MIP: variants seen among roughly 807,000 people sequenced by gnomAD.
MIP encodes the protein major intrinsic protein of lens fiber, also known as lens fiber major intrinsic protein.
MIP carries 14 observed loss-of-function variants against 21.8 expected under a neutral mutation model. The ratio of observed to expected loss-of-function variants is 0.64; its 90% CI spans 0.42 to 1.00. The LOEUF (loss-of-function observed/expected upper bound fraction) is 1.00, where lower values mean the gene tolerates loss of function less well. MIP is among the 50% of genes least tolerant of loss of function. The pLI, the probability that MIP is intolerant of heterozygous loss-of-function variation, is 0.00. For missense variants in MIP, 260 were observed against 333.5 expected (o/e 0.78, Z 1.72); for synonymous variants, 133 against 141.4 (o/e 0.94, Z 0.42).
In MIP at chr12:56,453,772, G is replaced by C. The variant is rs193279267; in HGVS notation, c.361-17C>G. ...AGGGTGCAACTGTGCAAAGGAAGAAGAAGAGAGACAGCTCAGGAGGGCTGC... is the reference window on the plus strand; with the variant it reads ...AGGGTGCAACTGTGCAAAGGAAGAACAAGAGAGACAGCTCAGGAGGGCTGC... On this transcript the variant is annotated splice_polypyrimidine_tract_variant and intron_variant, in intron 1 of 3. Transcript: ENST00000652304. 1.5e-5 allele frequency: 24 copies of C among 1,610,616 alleles called. No individual in the cohort carries two copies. Among genetic ancestry groups the C allele is most frequent in the Non-Finnish European group, 7.6e-6 (9 of 1,178,714 alleles).
chr12:56,453,594 A>G lies in MIP; in HGVS notation c.522T>C (p.Phe174=), dbSNP rs771202505. 6 of 1,614,252 alleles carry G rather than the reference A, an allele frequency of 3.7e-6. No homozygotes were observed. The highest frequency in any genetic ancestry group is 5.1e-6 in the Non-Finnish European group (6 of 1,180,044). Reference sequence around the variant, plus strand: ...AGTTGCTCTCCTTCCTGCTTACCCCAAAGAGGTGCCCCAGGGCAAGGGAGA... The same window carrying G: ...AGTTGCTCTCCTTCCTGCTTACCCCGAAGAGGTGCCCCAGGGCAAGGGAGA... The part of the protein sequence containing the change: ...VGFSLALGHL[F]GMYYTGAGMN... Residue 174 remains phenylalanine, a synonymous_variant, in exon 2 of 4, where the codon TTT becomes TTC. Transcript: ENST00000652304.
At position 56,450,942 on chromosome 12, in the gene MIP, A is replaced by T; in HGVS notation, c.*338T>A. ...ACCCAGTACTCACCATACTGGGTCG[A>T]GGAAGGGAGGTATAGGATGGCACCT... On this transcript the variant is annotated 3_prime_UTR_variant, in exon 4 of 4. Transcript: ENST00000652304. The T allele has an allele frequency of 3.0e-6, 1 of 336,446 alleles. No homozygotes were observed. The highest frequency in any genetic ancestry group is 5.6e-6 in the Non-Finnish European group (1 of 177,346). 20.8% of individuals were successfully genotyped at this position (336,446 alleles called of 1,614,324 possible). A position where few individuals can be genotyped will look rare whatever the true frequency, so the allele number is the denominator to read the frequency against.
chr12:56,451,754 G>A (rs538480668), intron 3 of MIP, among the ~76,000 whole-genome samples: 6 of 152,300 alleles, frequency 3.9e-5, no homozygotes, highest in South Asian at 4.1e-4. Flanking sequence ...TTGGACAGGC[G>A]CAGTGGCTTA....
chr12:56,450,592 T>C lies in MIP; in HGVS notation c.*688A>G, dbSNP rs2136163706. 1 of 152,956 alleles carries C rather than the reference T, an allele frequency of 6.5e-6. No individual in the cohort carries two copies. The highest frequency in any genetic ancestry group is 2.4e-5 in the African/African-American group (1 of 41,576). 9.5% of individuals were successfully genotyped at this position (152,956 alleles called of 1,614,324 possible). A position where few individuals can be genotyped will look rare whatever the true frequency, so the allele number is the denominator to read the frequency against. ...GGTTTACGTGGCTTTACAGAACAGC[T>C]AAATCCTAGTGTTCACTTTTCTCAG... On this transcript the variant is annotated 3_prime_UTR_variant, in exon 4 of 4. Transcript: ENST00000652304.
In MIP at chr12:56,450,189, C is replaced by T. The variant is rs1217080135; in HGVS notation, c.*1091G>A. On this transcript the variant is annotated 3_prime_UTR_variant, in exon 4 of 4. Transcript: ENST00000652304. ...GACGGATGACAGAGAAATGAAAATA[C>T]ACAGACACAAAACAAGAAAAAAAAC... 1.3e-5 allele frequency: 2 copies of T among 152,040 alleles called. No individual in the cohort carries two copies. The highest frequency in any genetic ancestry group is 4.8e-5 in the African/African-American group (2 of 41,396). The allele number at this position is 152,040 out of a possible 1,614,324, so 9.4% of individuals were successfully genotyped here.
upstream of MIP, among the ~76,000 whole-genome samples, chr12:56,455,242 G>A (rs563412473): frequency 2.6e-5 from 4 of 152,204 alleles, no homozygotes; most frequent in East Asian, 3.9e-4. Context: ...GTTCTGCTGC[G>A]TCTGGCTTTC....
chr12:56,452,019 T>A (rs948290528), intron 3 of MIP, among the ~76,000 whole-genome samples: 2 of 152,176 alleles, frequency 1.3e-5, no homozygotes, highest in African/African-American at 4.8e-5. Context: ...TCCACTGCAC[T>A]CCAGCCTGGG....
upstream of MIP, among the ~76,000 whole-genome samples, chr12:56,455,955 A>T (rs898866288): frequency 2.6e-5 from 4 of 152,186 alleles, no homozygotes; most frequent in Non-Finnish European, 5.9e-5. Flanking sequence ...TTGGGGATGG[A>T]CAGAAAGAGA....
intron 1 of MIP, 141 bp from the exon 2 acceptor site, chr12:56,453,896 ATTTG>A: frequency 1.1e-6 from 1 of 873,314 alleles, no homozygotes; most frequent in Non-Finnish European, 1.8e-6. Context: ...TAATCATTGT[ATTTG>A]CATCTTACCA....
At position 56,454,616 on chromosome 12, in the gene MIP, CA is replaced by C; in HGVS notation, c.-4del. On this transcript the variant is annotated 5_prime_UTR_variant, in exon 1 of 4. Coordinates refer to ENST00000652304, the MANE Select transcript of MIP (RefSeq NM_012064.4). ...GAGGCTGATCGCAGTTCCCACATGG[CA>C]GGGGGGATGGTCACAGTGCCTGGGT... 7.4e-6 allele frequency: 12 copies of C among 1,613,788 alleles called. No homozygotes were observed. The highest frequency in any genetic ancestry group is 9.3e-6 in the Non-Finnish European group (11 of 1,179,976).
Position 56,454,503 on chromosome 12 carries a change from T to A in MIP, c.111A>T (p.Gly37=). Residue 37 remains glycine (G), a synonymous_variant, in exon 1 of 4, where the codon GGA becomes GGT. Coordinates refer to ENST00000652304, the MANE Select transcript of MIP (RefSeq NM_012064.4). ...GLGSSLRWAP[G]PLHVLQVAMA... ...TAGCCACCTGCAGAACATGCAGGGG[T>A]CCAGGAGCCCAGCGCAGTGAGGACC... is the stretch of plus-strand genomic sequence containing the variant. 6.2e-7 allele frequency: 1 copy of A among 1,612,716 alleles called. No individual in the cohort carries two copies. The highest frequency in any genetic ancestry group is 8.5e-7 in the Non-Finnish European group (1 of 1,179,186).
chr12:56,452,082 A>C (rs1232240473), intron 3 of MIP, among the ~76,000 whole-genome samples: 1 of 152,192 alleles, frequency 6.6e-6, no homozygotes, highest in Non-Finnish European at 1.5e-5. Context: ...TTAAGTGTAC[A>C]GTTTAGTAGT....
intron 3 of MIP, among the ~76,000 whole-genome samples, chr12:56,451,844 A>C (rs1868630581): frequency 6.6e-6 from 1 of 152,148 alleles, no homozygotes; most frequent in Non-Finnish European, 1.5e-5. Flanking sequence ...CCATTTGAGA[A>C]CAGCCTGACC....
Position 56,450,975 on chromosome 12 carries a change from C to T in MIP, c.*305G>A. ...AGGTATAGGATGGCACCTCTTTTTG[C>T]TTCCTTAGCTCTCATGCCCCAAAAC... On this transcript the variant is annotated 3_prime_UTR_variant, in exon 4 of 4. Transcript: ENST00000652304. 9 of 394,570 alleles carry T rather than the reference C, an allele frequency of 2.3e-5. No individual in the cohort carries two copies. Among genetic ancestry groups the T allele is most frequent in the African/African-American group, 4.1e-5 (2 of 48,624 alleles). 24.4% of individuals were successfully genotyped at this position (394,570 alleles called of 1,614,324 possible). A position where few individuals can be genotyped will look rare whatever the true frequency, so the allele number is the denominator to read the frequency against.
At position 56,451,256 on chromosome 12, in the gene MIP, A is replaced by G; in HGVS notation, c.*24T>C. 2 of 1,610,570 alleles carry G rather than the reference A, an allele frequency of 1.2e-6. No homozygotes were observed. Among genetic ancestry groups the G allele is most frequent in the Non-Finnish European group, 1.7e-6 (2 of 1,178,212 alleles). Reference sequence around the variant, plus strand: ...CTCCACGTAAACTCAGAAGCTTTCTACTCCCTCTATTCAGCTGGAGCTTCT... The same window carrying G: ...CTCCACGTAAACTCAGAAGCTTTCTGCTCCCTCTATTCAGCTGGAGCTTCT... On this transcript the variant is annotated 3_prime_UTR_variant, in exon 4 of 4. Transcript: ENST00000652304.
rs1868601775 is a variant in MIP, at chr12:56,451,242, C to A, written c.*38G>T. The A allele has an allele frequency of 6.2e-7, 1 of 1,603,204 alleles. No homozygotes were observed. Among genetic ancestry groups the A allele is most frequent in the Non-Finnish European group, 8.5e-7 (1 of 1,172,172 alleles). On this transcript the variant is annotated 3_prime_UTR_variant, in exon 4 of 4. Coordinates refer to ENST00000652304, the MANE Select transcript of MIP (RefSeq NM_012064.4). Reference sequence around the variant, plus strand: ...GGCTGGCTAAACCCCTCCACGTAAACTCAGAAGCTTTCTACTCCCTCTATT... The same window carrying A: ...GGCTGGCTAAACCCCTCCACGTAAAATCAGAAGCTTTCTACTCCCTCTATT...
chr12:56,449,607 A>T lies in MIP; in HGVS notation c.*1673T>A, dbSNP rs1565692693. ...AAAGTCCGATTAGAGGTGAATTTAC[A>T]AACATTCTTCCCCTTCTTCTAGTCA... is the stretch of plus-strand genomic sequence containing the variant. On this transcript the variant is annotated 3_prime_UTR_variant, in exon 4 of 4. Transcript: ENST00000652304. The T allele has an allele frequency of 6.6e-6, 1 of 152,268 alleles. No individual in the cohort carries two copies. Among genetic ancestry groups the T allele is most frequent in the Non-Finnish European group, 1.5e-5 (1 of 68,048 alleles). 9.4% of individuals were successfully genotyped at this position (152,268 alleles called of 1,614,324 possible).
rs960615742 is a variant in MIP at position 56,454,253 on chromosome 12, C to A, written c.360+1G>T. On this transcript the variant is annotated splice_donor_variant, in intron 1 of 3. Transcript: ENST00000652304. LOFTEE classifies it high-confidence loss of function. Reference sequence around the variant, plus strand: ...CCCATCCCCTCTCAGCCAACCATTACCGTGTTGAGTGCTAGGTTTCCTCGG... The same window carrying A: ...CCCATCCCCTCTCAGCCAACCATTAACGTGTTGAGTGCTAGGTTTCCTCGG... 5.6e-6 allele frequency: 9 copies of A among 1,613,976 alleles called. No individual in the cohort carries two copies. The highest frequency in any genetic ancestry group is 7.6e-6 in the Non-Finnish European group (9 of 1,180,044).
intron 3 of MIP, 152 bp from the exon 4 acceptor site, chr12:56,451,617 C>A: frequency 1.5e-6 from 1 of 665,550 alleles, no homozygotes; most frequent in Non-Finnish European, 2.6e-6. Context: ...CAAATTACTC[C>A]TTTATCCCAC....
Sources: allele counts gnomAD v4.1 joint callset (sites outside exome capture counted in the v4.1 genomes callset), GRCh38; gene constraint gnomAD v4.1.1; transcripts MANE v1.5; gene names NCBI Gene and HGNC (gene_info 2026-07-23, HGNC 2026-07-21).